Variants in WWP1 observed in about 807,000 individuals in gnomAD.
WWP1 encodes NEDD4-like E3 ubiquitin-protein ligase WWP1.
In WWP1, 49 loss-of-function variants were observed where a neutral mutation model predicts 130.6. The observed-to-expected ratio is 0.38, with a 90% CI of 0.30 to 0.48. WWP1 has a LOEUF of 0.48. Ranked by LOEUF, WWP1 falls within the 20% of genes least tolerant of loss-of-function variation. The pLI is 0.99. For synonymous variants in WWP1, 332 were observed against 367.8 expected (o/e 0.90, Z 1.11); for missense variants, 809 against 1,100.6 (o/e 0.74, Z 3.75).
chr8:86,395,812 A>T (rs1276097112), intron 5 of WWP1, among the ~76,000 whole-genome samples: 1 of 152,244 alleles, frequency 6.6e-6, no homozygotes, highest in East Asian at 1.9e-4. Context: ...GATCATTACC[A>T]ATACAAAATT....
intron 5 of WWP1, among the ~76,000 whole-genome samples, chr8:86,396,242 G>A (rs969677049): frequency 6.6e-6 from 1 of 152,092 alleles, no homozygotes; most frequent in Non-Finnish European, 1.5e-5. Flanking sequence ...GGGACTACAG[G>A]CAACTGCCAC....
intron 21 of WWP1, among the ~76,000 whole-genome samples, chr8:86,455,175 C>T (rs1358775286): frequency 6.6e-6 from 1 of 151,952 alleles, no homozygotes; most frequent in Non-Finnish European, 1.5e-5. Context: ...AGGCAACTTT[C>T]TTAGTTTGAT....
intron 5 of WWP1, among the ~76,000 whole-genome samples, chr8:86,383,808 T>C (rs553322185): frequency 3.9e-5 from 6 of 152,178 alleles, no homozygotes; most frequent in Non-Finnish European, 8.8e-5. Context: ...ACGGATATGC[T>C]CAGGAAAAAT....
intron 20 of WWP1, among the ~76,000 whole-genome samples, chr8:86,449,389 G>C (rs146225070): frequency 6.6e-6 from 1 of 152,352 alleles, no homozygotes; most frequent in East Asian, 1.9e-4. Context: ...ACTCACCTCT[G>C]TGGTATAGTG....
chr8:86,346,823 A>G (rs180946477), intron 1 of WWP1, among the ~76,000 whole-genome samples: 200 of 152,290 alleles, frequency 1.3e-3, no homozygotes, highest in African/African-American at 4.6e-3. Flanking sequence ...TAATGGAGGA[A>G]AAATGATAAA....
At chr8:86,445,773 C>T (rs1322808668) in intron 18 of WWP1, among the ~76,000 whole-genome samples, 1 of 152,002 alleles carries the variant, frequency 6.6e-6, no homozygotes, top group Non-Finnish European at 1.5e-5. Context: ...ACATTCTGAA[C>T]AAAGTATATG....
At position 86,438,640 on chromosome 8, in the gene WWP1, G is replaced by A. The variant is rs1247652493; in HGVS notation, c.1805G>A (p.Gly602Glu). The change falls in exon 17 of 25, where the codon GGA becomes GAA. Residue 602 changes from glycine (G) to glutamate (E), a missense_variant. Coordinates refer to ENST00000517970, the MANE Select transcript of WWP1 (RefSeq NM_007013.4). The stretch of plus-strand genomic sequence containing the variant: ...AGGCGCTTATATGTAATATTTAGAG[G>A]AGAAGAAGGACTTGATTATGGTGGC... Reference protein sequence around the residue: ...LRRRLYVIFRGEEGLDYGGLA... With the variant: ...LRRRLYVIFREEEGLDYGGLA... 6.2e-7 allele frequency: 1 copy of A among 1,608,396 alleles called. No homozygotes were observed. The highest frequency in any genetic ancestry group is 1.7e-5 in the Admixed American group (1 of 58,638).
At chr8:86,430,067 C>T (rs932701204) in intron 11 of WWP1, among the ~76,000 whole-genome samples, 2 of 151,794 alleles carry the variant, frequency 1.3e-5, no homozygotes, top group Non-Finnish European at 2.9e-5. Context: ...GGTGTGGTGG[C>T]GCATATCTGT....
intron 1 of WWP1, among the ~76,000 whole-genome samples, chr8:86,367,712 C>G (rs1239667586): frequency 1.3e-5 from 2 of 152,278 alleles, no homozygotes; most frequent in South Asian, 2.1e-4. Flanking sequence ...ACCCTGCTTT[C>G]TAAATTGCTG....
At chr8:86,458,314 G>A (rs1409456110) in intron 22 of WWP1, among the ~76,000 whole-genome samples, 1 of 152,146 alleles carries the variant, frequency 6.6e-6, no homozygotes, top group Non-Finnish European at 1.5e-5. Flanking sequence ...TATCAAAGTA[G>A]TCTAAATTCC....
In WWP1 at chr8:86,468,036, T is replaced by C. The variant is rs1180775737; in HGVS notation, c.*1143T>C. 1.3e-5 allele frequency: 2 copies of C among 157,490 alleles called. No homozygotes were observed. Among genetic ancestry groups the C allele is most frequent in the African/African-American group, 2.4e-5 (1 of 41,496 alleles). The allele number at this position is 157,490 out of a possible 1,614,324, so 9.8% of individuals were successfully genotyped here. On this transcript the variant is annotated 3_prime_UTR_variant, in exon 25 of 25. Coordinates refer to ENST00000517970, the MANE Select transcript of WWP1 (RefSeq NM_007013.4). ...TGTTTTTCATCATAGGGGCCTTTGC[T>C]GAACTACAAAAATGTGTAACAAATT...
chr8:86,458,169 T>C, intron 22 of WWP1, 144 bp downstream of exon 22: 1 of 603,184 alleles, frequency 1.7e-6, no homozygotes, highest in Non-Finnish European at 2.8e-6. Flanking sequence ...AAGCGAATAG[T>C]GTGAACACTT....
intron 5 of WWP1, among the ~76,000 whole-genome samples, chr8:86,385,567 G>A: frequency 6.6e-6 from 1 of 152,330 alleles, no homozygotes; most frequent in Admixed American, 6.5e-5. Context: ...ACAATATGGA[G>A]CAGGTGACTG....
intron 2 of WWP1, among the ~76,000 whole-genome samples, chr8:86,373,112 T>G (rs144792972): frequency 6.6e-6 from 1 of 151,536 alleles, no homozygotes. Context: ...TTTCTTTTGA[T>G]TCACTAAATA....
chr8:86,451,214 T>TA (rs61141803), intron 20 of WWP1, among the ~76,000 whole-genome samples: 3 of 43,680 alleles, frequency 6.9e-5, no homozygotes, highest in African/African-American at 8.5e-5. Context: ...CCTATGTTAT[T>TA]AAAAAAAAAA....
chr8:86,399,713 C>T (rs557953737), intron 7 of WWP1, among the ~76,000 whole-genome samples: 1 of 152,208 alleles, frequency 6.6e-6, no homozygotes, highest in South Asian at 2.1e-4. Flanking sequence ...TTGTCAATTG[C>T]ATAGTAAGAC....
chr8:86,386,018 ATCAAGT>A (rs1260934014), intron 5 of WWP1, among the ~76,000 whole-genome samples: 1 of 152,164 alleles, frequency 6.6e-6, no homozygotes, highest in African/African-American at 2.4e-5. Context: ...TTTCTATAAG[ATCAAGT>A]TCAACTCCTG....
chr8:86,461,970 G>T, intron 24 of WWP1, 124 bp downstream of exon 24: 1 of 739,648 alleles, frequency 1.4e-6, no homozygotes, highest in East Asian at 2.6e-5. Flanking sequence ...TTTCAATTTT[G>T]AGAACAGATT....
intron 9 of WWP1, among the ~76,000 whole-genome samples, chr8:86,416,480 A>G: frequency 6.6e-6 from 1 of 152,148 alleles, no homozygotes; most frequent in East Asian, 1.9e-4. Flanking sequence ...CTTACTGCCA[A>G]CCCCTGTTAT....
Sources: gnomAD v4.1 joint callset for allele counts (sites outside exome capture counted in the v4.1 genomes callset) on GRCh38, gnomAD v4.1.1 for gene constraint, MANE v1.5 for transcripts, NCBI Gene and HGNC (gene_info 2026-07-23, HGNC 2026-07-21) for gene names.